The following USP8 variants were observed in gnomAD, a reference collection of about 807,000 sequenced individuals.
The protein encoded by USP8 is ubiquitin specific peptidase 8, also known as ubiquitin carboxyl-terminal hydrolase 8.
In USP8, 27 loss-of-function variants were observed where a neutral mutation model predicts 130.0. The observed-to-expected ratio is 0.21, with a 90% CI of 0.15 to 0.29. The LOEUF is 0.29. USP8 is among the 10% of genes least tolerant of loss of function. USP8 has a pLI of 1.00. For missense variants in USP8, 1,029 were observed against 1,312.2 expected (o/e 0.78, Z 3.33); for synonymous variants, 392 against 444.1 (o/e 0.88, Z 1.48).
In USP8 at chr15:50,438,992, A is replaced by G; in HGVS notation, c.-65-17A>G. 1 of 991,686 alleles carries G rather than the reference A, an allele frequency of 1.0e-6. No individual in the cohort carries two copies. The highest frequency in any genetic ancestry group is 1.5e-6 in the Non-Finnish European group (1 of 661,336). 61.4% of individuals were successfully genotyped at this position (991,686 alleles called of 1,614,324 possible). A position where few individuals can be genotyped will look rare whatever the true frequency, so the allele number is the denominator to read the frequency against. On this transcript the variant is annotated splice_polypyrimidine_tract_variant and intron_variant, in intron 1 of 19. Coordinates refer to ENST00000307179, the MANE Select transcript of USP8 (RefSeq NM_005154.5). ...GTGAATGAGGAAAATTAGTATAATT[A>G]TTTGTATTTGTTTCAGGAAAGAAGC...
At chr15:50,490,219 A>G (rs1198061625) in intron 13 of USP8, 44 bp from the exon 14 acceptor site, 1 of 1,555,596 alleles carries the variant, frequency 6.4e-7, no homozygotes, top group Non-Finnish European at 8.7e-7. Flanking sequence ...TATAATGCTT[A>G]TTTTTGTTTT....
chr15:50,495,844 C>G lies in USP8; in HGVS notation c.2659-4C>G. The G allele has an allele frequency of 6.2e-7, 1 of 1,602,490 alleles. No homozygotes were observed. Among genetic ancestry groups the G allele is most frequent in the Non-Finnish European group, 8.5e-7 (1 of 1,171,860 alleles). ...ATATAGAGCTTAAATCATTTTATTT[C>G]CAGGCTGATAATCGGAAGAGATATA... is the stretch of plus-strand genomic sequence containing the variant. On this transcript the variant is annotated splice_polypyrimidine_tract_variant and splice_region_variant and intron_variant, in intron 16 of 19. Transcript: ENST00000307179.
intron 4 of USP8, among the ~76,000 whole-genome samples, chr15:50,455,799 C>T (rs915643352): frequency 1.3e-5 from 2 of 152,132 alleles, no homozygotes; most frequent in African/African-American, 4.8e-5. Context: ...TAGCTGGGCT[C>T]CTTAGTATCT....
chr15:50,444,158 C>T (rs1159457053), intron 3 of USP8, among the ~76,000 whole-genome samples: 3 of 142,926 alleles, frequency 2.1e-5, no homozygotes, highest in East Asian at 2.1e-4. Flanking sequence ...GGCTGGAGCG[C>T]GATGGCATGA....
chr15:50,455,789 T>C (rs140468446), intron 4 of USP8, among the ~76,000 whole-genome samples: 126 of 152,286 alleles, frequency 8.3e-4, no homozygotes, highest in African/African-American at 2.8e-3. Context: ...CTTCTAAACT[T>C]AGCTGGGCTC....
At chr15:50,475,487 G>C (rs571900532) in intron 8 of USP8, among the ~76,000 whole-genome samples, 4 of 151,714 alleles carry the variant, frequency 2.6e-5, no homozygotes, top group Admixed American at 6.6e-5. Context: ...AGGGCAACTG[G>C]GCATCATATT....
rs2052672749 is a variant in USP8 at position 50,507,018 on chromosome 15, C to T, written c.*7930C>T. On this transcript the variant is annotated 3_prime_UTR_variant, in exon 20 of 20. Coordinates refer to ENST00000307179, the MANE Select transcript of USP8 (RefSeq NM_005154.5). ...CAGTTTTAGGCCAAGTGTGGTGGCT[C>T]ATGCCTGTAATCCCAACACTTTGGG... is the stretch of plus-strand genomic sequence containing the variant. The T allele has an allele frequency of 6.9e-6, 1 of 143,906 alleles. No individual in the cohort carries two copies. The highest frequency in any genetic ancestry group is 1.5e-5 in the Non-Finnish European group (1 of 66,822). 8.9% of individuals were successfully genotyped at this position (143,906 alleles called of 1,614,324 possible). A position where few individuals can be genotyped will look rare whatever the true frequency, so the allele number is the denominator to read the frequency against.
At chr15:50,494,843 C>T (rs1055116477) in intron 16 of USP8, among the ~76,000 whole-genome samples, 1 of 151,970 alleles carries the variant, frequency 6.6e-6, no homozygotes, top group African/African-American at 2.4e-5. Context: ...GGCAAAACCT[C>T]GTCTCTACTA....
At chr15:50,473,646 G>A (rs1394547992) in intron 8 of USP8, among the ~76,000 whole-genome samples, 3 of 151,034 alleles carry the variant, frequency 2.0e-5, no homozygotes, top group Admixed American at 6.6e-5. Context: ...CTACAGGTAC[G>A]CACCATGCCT....
chr15:50,461,125 T>C (rs2050983877), intron 5 of USP8, among the ~76,000 whole-genome samples: 1 of 151,912 alleles, frequency 6.6e-6, no homozygotes, highest in African/African-American at 2.4e-5. Context: ...TCCAAGTAAC[T>C]GGAATTATAG....
At chr15:50,467,201 C>T (rs533291274) in intron 7 of USP8, 7 of 174,614 alleles carry the variant, frequency 4.0e-5, no homozygotes, top group South Asian at 3.4e-4. Flanking sequence ...TTTGAACAGA[C>T]GAAGTTATAA....
intron 12 of USP8, among the ~76,000 whole-genome samples, chr15:50,487,889 T>G (rs960507706): frequency 1.3e-5 from 2 of 152,172 alleles, no homozygotes; most frequent in African/African-American, 4.8e-5. Flanking sequence ...ATAATCAGTA[T>G]AAGTATAAGC....
At chr15:50,456,139 C>T (rs1391838847) in intron 4 of USP8, among the ~76,000 whole-genome samples, 1 of 152,172 alleles carries the variant, frequency 6.6e-6, no homozygotes, top group African/African-American at 2.4e-5. Flanking sequence ...TTAGAATTCT[C>T]TTTCCTACCT....
intron 1 of USP8, among the ~76,000 whole-genome samples, chr15:50,438,030 G>C (rs2050141138): frequency 6.6e-6 from 1 of 152,178 alleles, no homozygotes; most frequent in African/African-American, 2.4e-5. Context: ...GAACAAAATG[G>C]TTTGGTGACT....
At chr15:50,446,722 A>C (rs917936273) in intron 3 of USP8, among the ~76,000 whole-genome samples, 31 of 152,360 alleles carry the variant, frequency 2.0e-4, no homozygotes, top group Admixed American at 2.0e-3. Context: ...TCAGCCAAAC[A>C]AAGCATGATC....
rs1389465849 is a variant in USP8, at chr15:50,460,046, G to T, written c.498+884G>T. Among the ~76,000 whole-genome samples, 5 of 125,836 alleles carry T rather than the reference G, an allele frequency of 4.0e-5. No homozygotes were observed. The East Asian group carries it at 9.3e-4, about 23-fold the overall frequency. The allele number at this position is 125,836 out of a possible 152,430, so 82.6% of individuals were successfully genotyped here. ...GAGTCTCATTCTTGTCGCCCAGGCT[G>T]GAATGCAATGGCGTGATCTCGGCTC... On this transcript the variant is annotated intron_variant, in intron 5 of 19. Coordinates refer to ENST00000307179, the MANE Select transcript of USP8 (RefSeq NM_005154.5).
At chr15:50,427,697 C>T (rs550364528) in intron 1 of USP8, among the ~76,000 whole-genome samples, 1 of 150,646 alleles carries the variant, frequency 6.6e-6, no homozygotes, top group South Asian at 2.1e-4. Context: ...GTAGCTGGGA[C>T]TATAGGCACC....
At chr15:50,477,588 C>G in intron 10 of USP8, 89 bp downstream of exon 10, 1 of 1,257,606 alleles carries the variant, frequency 8.0e-7, no homozygotes, top group East Asian at 2.5e-5. Context: ...GCCTGTAATC[C>G]CAGCACTTTG....
rs1343213797 is a variant in USP8 at position 50,450,484 on chromosome 15, T to C, written c.335+999T>C. Reference sequence around the variant, plus strand: ...ATTCTTTTTTTTTTTTTTTTTTTTTTTTGGAGACGGAGTTTTGCCTCTTGT... The same window carrying C: ...ATTCTTTTTTTTTTTTTTTTTTTTTCTTGGAGACGGAGTTTTGCCTCTTGT... On this transcript the variant is annotated intron_variant, in intron 4 of 19. Transcript: ENST00000307179. Among the ~76,000 whole-genome samples, 3 of 119,052 alleles carry C rather than the reference T, an allele frequency of 2.5e-5. No individual in the cohort carries two copies. The East Asian group carries it at 8.7e-4, about 35-fold the overall frequency. 78.1% of individuals were successfully genotyped at this position (119,052 alleles called of 152,430 possible).
Sources: allele counts gnomAD v4.1 joint callset (sites outside exome capture counted in the v4.1 genomes callset), GRCh38; gene constraint gnomAD v4.1.1; transcripts MANE v1.5; gene names NCBI Gene and HGNC (gene_info 2026-07-23, HGNC 2026-07-21).